TRPC7: variants seen among roughly 807,000 people sequenced by gnomAD.
The protein encoded by TRPC7 is transient receptor potential cation channel subfamily C member 7.
A neutral mutation model predicts 90.1 loss-of-function variants in TRPC7; 42 were observed. The ratio of observed to expected loss-of-function variants is 0.47; its 90% CI spans 0.36 to 0.60. The LOEUF is 0.60. TRPC7 is among the 20% of genes least tolerant of loss of function. The pLI is 0.00. For synonymous variants in TRPC7, 451 were observed against 436.3 expected, an observed-to-expected ratio of 1.03 and a Z score of -0.42; for missense variants, 955 against 1,112.3, an observed-to-expected ratio of 0.86 and a Z score of 2.01.
chr5:136,323,129 G>A (rs1759247442), intron 2 of TRPC7, among the ~76,000 whole-genome samples: 1 of 152,230 alleles, frequency 6.6e-6, no homozygotes, highest in African/African-American at 2.4e-5. Context: ...TAGTGGATAA[G>A]TCTTACAAGA....
At chr5:136,342,998 G>A (rs985610052) in intron 2 of TRPC7, among the ~76,000 whole-genome samples, 1 of 151,110 alleles carries the variant, frequency 6.6e-6, no homozygotes, top group Admixed American at 6.6e-5. Context: ...AGAGATTAGT[G>A]GGGAAAAGTT....
At chr5:136,266,020 C>T (rs1192917825) in intron 5 of TRPC7, among the ~76,000 whole-genome samples, 200 bp downstream of exon 5, 1 of 152,108 alleles carries the variant, frequency 6.6e-6, no homozygotes, top group Non-Finnish European at 1.5e-5. Flanking sequence ...CCAAACATTT[C>T]CTTTCAAAAT....
intron 2 of TRPC7, among the ~76,000 whole-genome samples, chr5:136,319,105 T>C (rs1278974705): frequency 6.6e-6 from 1 of 152,176 alleles, no homozygotes; most frequent in Non-Finnish European, 1.5e-5. Context: ...CAGTTTACTC[T>C]CCTACTCTCC....
At chr5:136,232,231 A>T (rs1258086331) in intron 7 of TRPC7, among the ~76,000 whole-genome samples, 2 of 152,182 alleles carry the variant, frequency 1.3e-5, no homozygotes, top group African/African-American at 4.8e-5. Flanking sequence ...ATTAAGCCCT[A>T]ACCATTTCTT....
At position 136,223,462 on chromosome 5, in the gene TRPC7, A is replaced by G. The variant is rs570894140; in HGVS notation, c.2343+1812T>C. ...AACCCCATCTCTACTAAAAATACAA[A>G]ATTAGCCAGGCATGGTGGCGCATGC... On this transcript the variant is annotated intron_variant, in intron 10 of 11. Transcript: ENST00000513104. Among the ~76,000 whole-genome samples the G allele has an allele frequency of 5.3e-5, 8 of 151,976 alleles. 1 individual carries two copies. Among genetic ancestry groups the G allele is most frequent in the African/African-American group, 1.9e-4 (8 of 41,438 alleles).
intron 3 of TRPC7, among the ~76,000 whole-genome samples, chr5:136,308,349 A>C (rs1329778819): frequency 6.6e-6 from 1 of 152,254 alleles, no homozygotes; most frequent in African/African-American, 2.4e-5. Flanking sequence ...AATGGATTCC[A>C]ACAGTGTTTG....
chr5:136,342,049 T>C (rs1400195979), intron 2 of TRPC7, among the ~76,000 whole-genome samples: 2 of 152,160 alleles, frequency 1.3e-5, no homozygotes, highest in African/African-American at 4.8e-5. Context: ...GCCTTTCAGG[T>C]AATTTATTCA....
At chr5:136,260,505 G>A (rs536388942) in intron 5 of TRPC7, among the ~76,000 whole-genome samples, 1 of 152,272 alleles carries the variant, frequency 6.6e-6, no homozygotes, top group African/African-American at 2.4e-5. Context: ...GACAGCCAGG[G>A]CAAGTGTTCT....
chr5:136,325,598 T>C (rs885232), intron 2 of TRPC7, among the ~76,000 whole-genome samples: 3 of 152,052 alleles, frequency 2.0e-5, no homozygotes, highest in African/African-American at 7.2e-5. Flanking sequence ...TGAGGGAGGA[T>C]TGAATATAGT....
At chr5:136,309,254 CT>C (rs1758749767) in intron 3 of TRPC7, among the ~76,000 whole-genome samples, 1 of 152,214 alleles carries the variant, frequency 6.6e-6, no homozygotes, top group African/African-American at 2.4e-5. Context: ...CACTGACTTT[CT>C]GTGTTACCAT....
chr5:136,319,929 T>C (rs879547690), intron 2 of TRPC7, among the ~76,000 whole-genome samples: 6 of 152,228 alleles, frequency 3.9e-5, no homozygotes, highest in Non-Finnish European at 8.8e-5. Context: ...CTTTTATCCA[T>C]TTACACTGAT....
chr5:136,320,198 T>G (rs1343211147), intron 2 of TRPC7, among the ~76,000 whole-genome samples: 3 of 152,190 alleles, frequency 2.0e-5, no homozygotes, highest in African/African-American at 7.2e-5. Flanking sequence ...ATTGCTACCT[T>G]CCTTTCATAA....
intron 2 of TRPC7, chr5:136,316,185 A>C: frequency 5.9e-6 from 1 of 168,356 alleles, no homozygotes; most frequent in Non-Finnish European, 1.3e-5. Context: ...CTCTTTCAAA[A>C]TGGCATTTTT....
chr5:136,299,145 T>C (rs1288178165), intron 3 of TRPC7, among the ~76,000 whole-genome samples: 7 of 151,974 alleles, frequency 4.6e-5, no homozygotes, highest in Non-Finnish European at 8.8e-5. Flanking sequence ...CTACTAAAAA[T>C]ACAAAATTAG....
chr5:136,213,290 G>T lies in TRPC7; in HGVS notation c.*145C>A. 1.2e-6 allele frequency: 1 copy of T among 824,890 alleles called. No individual in the cohort carries two copies. The allele number at this position is 824,890 out of a possible 1,614,324, so 51.1% of individuals were successfully genotyped here. ...GCAGGCCAGCGGGCTGGAGATGTCA[G>T]TCATGCTGCAAGAGACTGAGCCAGG... is the stretch of plus-strand genomic sequence containing the variant. On this transcript the variant is annotated 3_prime_UTR_variant, in exon 12 of 12. Transcript: ENST00000513104.
intron 11 of TRPC7, among the ~76,000 whole-genome samples, chr5:136,215,292 A>G (rs1185199608): frequency 1.3e-5 from 2 of 152,210 alleles, no homozygotes; most frequent in African/African-American, 4.8e-5. Flanking sequence ...CCTGCACTCA[A>G]GAGGCATGAG....
chr5:136,278,218 A>T (rs904010170), intron 3 of TRPC7, among the ~76,000 whole-genome samples: 2 of 152,210 alleles, frequency 1.3e-5, no homozygotes, highest in Non-Finnish European at 2.9e-5. Context: ...AATTGTAGTT[A>T]TAGTTCTGCA....
At chr5:136,235,913 G>T (rs191717251) in intron 7 of TRPC7, among the ~76,000 whole-genome samples, 88 of 152,272 alleles carry the variant, frequency 5.8e-4, no homozygotes, top group African/African-American at 1.9e-3. Flanking sequence ...GCATGCCTGG[G>T]TTCAAATCTC....
chr5:136,291,772 C>A (rs1757965418), intron 3 of TRPC7, among the ~76,000 whole-genome samples: 1 of 152,188 alleles, frequency 6.6e-6, no homozygotes. Context: ...GAATTGAACT[C>A]AGCTCTGCAC....
Sources: gnomAD v4.1 joint callset for allele counts (sites outside exome capture counted in the v4.1 genomes callset) on GRCh38, gnomAD v4.1.1 for gene constraint, MANE v1.5 for transcripts, NCBI Gene and HGNC (gene_info 2026-07-23, HGNC 2026-07-21) for gene names.